The following HTR2C variants were observed in gnomAD, a reference collection of about 807,000 sequenced individuals.
HTR2C encodes 5-hydroxytryptamine receptor 2C.
A neutral mutation model predicts 21.0 loss-of-function variants in HTR2C; 5 were observed. The observed-to-expected ratio is 0.24, with a 90% CI of 0.12 to 0.50. HTR2C has a LOEUF of 0.50. Among genes scored for constraint, HTR2C ranks in the 20% least tolerant of loss-of-function variants. The pLI, the probability that HTR2C is intolerant of heterozygous loss-of-function variation, is 0.98. For missense variants in HTR2C, 271 were observed against 371.2 expected, an observed-to-expected ratio of 0.73 and a Z score of 2.22; for synonymous variants, 150 against 145.3, an observed-to-expected ratio of 1.03 and a Z score of -0.23.
At chrX:114,691,676 A>G in intron 2 of HTR2C, among the ~76,000 whole-genome samples, 1 of 111,868 alleles carries the variant, frequency 8.9e-6, no homozygotes, top group Non-Finnish European at 1.9e-5. Flanking sequence ...ACTGACAAAT[A>G]TCTACGCTGA....
At chrX:114,854,449 C>A (rs1326281390) in intron 5 of HTR2C, among the ~76,000 whole-genome samples, 2 of 110,660 alleles carry the variant, frequency 1.8e-5, no homozygotes, top group Admixed American at 1.9e-4. Flanking sequence ...GGTACAAGTG[C>A]AGTTTTGATA....
rs149710250 is a variant in HTR2C at position 114,906,591 on chromosome X, G to A, written c.553G>A (p.Val185Ile). The stretch of plus-strand genomic sequence containing the variant: ...CCCCTTCCTTTTTCTTCCTTTAGGT[G>A]TATCAGTTCCTATCCCTGTGATTGG... ...IAIVWAISIG[V>I]SVPIPVIGLR... Residue 185 changes from valine (V) to isoleucine (I), a missense_variant and splice_region_variant, in exon 6 of 6, where the codon GTA becomes ATA. By Grantham distance (29) the Val-to-Ile change is conservative. Around this residue, in one of 5 missense-constraint regions of HTR2C, gnomAD observed 192 missense variants for 247.2 expected, o/e 0.78. Transcript: ENST00000276198. The A allele has an allele frequency of 3.7e-5, 44 of 1,182,245 alleles. No individual in the cohort carries two copies. Among genetic ancestry groups the A allele is most frequent in the Middle Eastern group, 4.8e-4 (2 of 4,203 alleles).
At chrX:114,886,593 T>G (rs1158274585) in intron 5 of HTR2C, among the ~76,000 whole-genome samples, 1 of 111,101 alleles carries the variant, frequency 9.0e-6, no homozygotes, top group African/African-American at 3.3e-5. Flanking sequence ...CCATTAAGAT[T>G]TAGAAACATT....
chrX:114,823,590 G>A (rs369284184), intron 4 of HTR2C: 5 of 331,052 alleles, frequency 1.5e-5, no homozygotes, highest in African/African-American at 5.3e-5. Flanking sequence ...ACACCACTCT[G>A]CTTCACTGAA....
chrX:114,812,686 G>A (rs782130523), intron 4 of HTR2C, among the ~76,000 whole-genome samples: 108 of 109,288 alleles, frequency 9.9e-4, no homozygotes, highest in Non-Finnish European at 1.6e-3. Flanking sequence ...CCGAGATTGC[G>A]CCACTGCACT....
At chrX:114,646,797 T>C (rs1197886726) in intron 2 of HTR2C, among the ~76,000 whole-genome samples, 1 of 112,516 alleles carries the variant, frequency 8.9e-6, no homozygotes, top group Non-Finnish European at 1.9e-5. Flanking sequence ...TTTCAAGTCT[T>C]ACATGCAAGT....
chrX:114,745,008 G>A (rs59018316), intron 4 of HTR2C, among the ~76,000 whole-genome samples: 3,121 of 111,737 alleles, frequency 0.028, 116 homozygotes, highest in African/African-American at 0.096. Context: ...CTTAACTCTC[G>A]TTAAAAGCCT....
At chrX:114,866,941 T>C (rs782459859) in intron 5 of HTR2C, among the ~76,000 whole-genome samples, 29 of 50,269 alleles carry the variant, frequency 5.8e-4, no homozygotes, top group African/African-American at 1.4e-3. Context: ...TCTTAGATAT[T>C]GAAAACAATG....
intron 4 of HTR2C, among the ~76,000 whole-genome samples, chrX:114,804,353 C>A (rs1434849331): frequency 1.8e-5 from 2 of 111,581 alleles, no homozygotes; most frequent in African/African-American, 6.5e-5. Flanking sequence ...GCTTCTATTT[C>A]TCATAAGGTT....
At chrX:114,760,483 A>G (rs2069855138) in intron 4 of HTR2C, among the ~76,000 whole-genome samples, 1 of 111,678 alleles carries the variant, frequency 9.0e-6, no homozygotes, top group Non-Finnish European at 1.9e-5. Context: ...GTGTTATTTA[A>G]TTTACCACAA....
At chrX:114,690,223 A>G (rs915649560) in intron 2 of HTR2C, among the ~76,000 whole-genome samples, 1 of 111,521 alleles carries the variant, frequency 9.0e-6, no homozygotes, top group African/African-American at 3.3e-5. Flanking sequence ...ATGCAGATGT[A>G]TATCTGGTTA....
chrX:114,623,907 T>TC (rs1929270610), intron 2 of HTR2C, among the ~76,000 whole-genome samples: 1 of 6,134 alleles, frequency 1.6e-4, no homozygotes, highest in Non-Finnish European at 3.6e-4. Context: ...TTTGTTGTTG[T>TC]TTTTTTTTTT....
At chrX:114,871,423 T>C (rs1203560233) in intron 5 of HTR2C, among the ~76,000 whole-genome samples, 1 of 111,985 alleles carries the variant, frequency 8.9e-6, no homozygotes, top group Non-Finnish European at 1.9e-5. Context: ...GTTCTGTCAA[T>C]ATCTATTAGG....
In HTR2C at chrX:114,669,102, T is replaced by TA. The variant is rs1394439268; in HGVS notation, c.-80+55222dup. 3.6e-5 allele frequency among the ~76,000 whole-genome samples: 4 copies of TA among 110,625 alleles called. No individual in the cohort carries two copies. In the East Asian group the frequency reaches 1.1e-3, roughly 31 times the overall value. ...TCTACACTTGTGTCAGTTTTTTTTT[T>TA]ATACAGGGGAGAATAGGACTAATTA... is the stretch of plus-strand genomic sequence containing the variant. On this transcript the variant is annotated intron_variant, in intron 2 of 5. Coordinates refer to ENST00000276198, the MANE Select transcript of HTR2C (RefSeq NM_000868.4).
At chrX:114,648,381 T>G (rs782663940) in intron 2 of HTR2C, among the ~76,000 whole-genome samples, 1 of 111,483 alleles carries the variant, frequency 9.0e-6, no homozygotes, top group African/African-American at 3.3e-5. Flanking sequence ...CACGTCCTGG[T>G]CTCCATCATT....
chrX:114,881,855 A>G (rs1327502797), intron 5 of HTR2C, among the ~76,000 whole-genome samples: 4 of 110,164 alleles, frequency 3.6e-5, no homozygotes, highest in African/African-American at 9.8e-5. Context: ...TATGAATTTT[A>G]TAATAGGCTT....
Position 114,869,240 on chromosome X carries a change from A to G in HTR2C, c.550+21037A>G, listed in dbSNP as rs188120144. 4.5e-3 allele frequency among the ~76,000 whole-genome samples: 502 copies of G among 111,338 alleles called. 2 individuals carry two copies. The highest frequency in any genetic ancestry group is 9.3e-3 in the Middle Eastern group (2 of 214). The stretch of plus-strand genomic sequence containing the variant: ...CCACATTTTCTTAATCCAGTCTATC[A>G]TTGATGGACATTTGGGTTGGTTCCA... On this transcript the variant is annotated intron_variant, in intron 5 of 5. Coordinates refer to ENST00000276198, the MANE Select transcript of HTR2C (RefSeq NM_000868.4).
intron 1 of HTR2C, among the ~76,000 whole-genome samples, chrX:114,596,629 G>A (rs1161398287): frequency 9.0e-6 from 1 of 111,099 alleles, no homozygotes; most frequent in Non-Finnish European, 1.9e-5. Flanking sequence ...GTCTTTGGGG[G>A]GTGATCCCAA....
intron 4 of HTR2C, among the ~76,000 whole-genome samples, chrX:114,774,558 ATTC>A (rs2070037388): frequency 8.9e-6 from 1 of 112,126 alleles, no homozygotes; most frequent in African/African-American, 3.2e-5. Context: ...TTAGAGATAT[ATTC>A]TTAACGCAGT....
Sources: allele counts gnomAD v4.1 joint callset (sites outside exome capture counted in the v4.1 genomes callset), GRCh38; gene constraint gnomAD v4.1.1; regional missense constraint gnomAD v4.1.1; transcripts MANE v1.5; gene names NCBI Gene and HGNC (gene_info 2026-07-23, HGNC 2026-07-21).